Variants in STX7 observed in about 807,000 individuals in gnomAD.
STX7 encodes syntaxin-7.
STX7 carries 34 observed loss-of-function variants against 39.6 expected under a neutral mutation model. The observed-to-expected ratio is 0.86, with a 90% CI of 0.65 to 1.14. The LOEUF (loss-of-function observed/expected upper bound fraction) is 1.14. Ranked by LOEUF, STX7 falls within the 50% of genes most tolerant of loss-of-function variation. STX7 has a pLI of 0.00. For missense variants in STX7, 284 were observed against 310.4 expected, an observed-to-expected ratio of 0.92 and a Z score of 0.64; for synonymous variants, 119 against 99.1, an observed-to-expected ratio of 1.20 and a Z score of -1.19.
Position 132,465,830 on chromosome 6 carries a change from C to A in STX7, c.611-1755G>T, listed in dbSNP as rs571363313. ...TACCCCGAGCAAGAGCCAAATTTTCCATTTGTGCACTTTATCACATTTCCT... is the reference window on the plus strand; with the variant it reads ...TACCCCGAGCAAGAGCCAAATTTTCAATTTGTGCACTTTATCACATTTCCT... On this transcript the variant is annotated intron_variant, in intron 8 of 9. Coordinates refer to ENST00000367941, the MANE Select transcript of STX7 (RefSeq NM_003569.3). 9.2e-5 allele frequency among the ~76,000 whole-genome samples: 14 copies of A among 152,280 alleles called. 1 individual carries two copies. The highest frequency in any genetic ancestry group is 3.1e-4 in the African/African-American group (13 of 41,552).
In STX7 at chr6:132,470,582, G is replaced by A; in HGVS notation, c.432C>T (p.Ser144=). The A allele has an allele frequency of 1.2e-6, 2 of 1,604,668 alleles. No homozygotes were observed. The highest frequency in any genetic ancestry group is 1.7e-6 in the Non-Finnish European group (2 of 1,174,140). The change falls in exon 6 of 10, where the codon TCC becomes TCT. Residue 144 remains serine, a synonymous_variant. Transcript: ENST00000367941. ...EDSSKERNLV[S]WESQTQPQVQ... is the part of the protein sequence containing the mutation. ...TGTTTTGTATTTCTTACCTTTCCCA[G>A]GATACAAGATTCCTTTCTTTTGAGC...
intron 2 of STX7, among the ~76,000 whole-genome samples, chr6:132,483,395 A>G (rs1775056651): frequency 6.6e-6 from 1 of 152,158 alleles, no homozygotes; most frequent in Non-Finnish European, 1.5e-5. Flanking sequence ...GAATCCATGG[A>G]AAAGGAGGGC....
intron 2 of STX7, among the ~76,000 whole-genome samples, chr6:132,496,810 T>C (rs758632968): frequency 1.3e-5 from 2 of 152,208 alleles, no homozygotes; most frequent in Admixed American, 1.3e-4. Context: ...TACAGCTTGC[T>C]TGATTAGAAA....
Position 132,458,035 on chromosome 6 carries a change from A to T in STX7, c.*2723T>A, listed in dbSNP as rs1000642966. Reference sequence around the variant, plus strand: ...TTGTACTTTCCTTGCTAAACCACAGATGTATTTCATGGAAAGAGGGGCCTT... The same window carrying T: ...TTGTACTTTCCTTGCTAAACCACAGTTGTATTTCATGGAAAGAGGGGCCTT... On this transcript the variant is annotated 3_prime_UTR_variant, in exon 10 of 10. Transcript: ENST00000367941. 7.2e-5 allele frequency: 11 copies of T among 152,238 alleles called. No homozygotes were observed. The highest frequency in any genetic ancestry group is 2.4e-4 in the African/African-American group (10 of 41,470). The allele number at this position is 152,238 out of a possible 1,614,324, so 9.4% of individuals were successfully genotyped here.
rs1774857612 is a variant in STX7, at chr6:132,475,712, CAG to C, written c.86-52_86-51del. On this transcript the variant is annotated intron_variant, in intron 2 of 9. Coordinates refer to ENST00000367941, the MANE Select transcript of STX7 (RefSeq NM_003569.3). ...TTAATTGTCACAAAAGTTAAGGTAA[CAG>C]AAAGAGTTAAAAATTAATATGTACA... 4.5e-6 allele frequency: 6 copies of C among 1,339,460 alleles called. No individual in the cohort carries two copies. In the South Asian group the frequency reaches 5.4e-5, roughly 12 times the overall value. 83.0% of individuals were successfully genotyped at this position (1,339,460 alleles called of 1,614,324 possible).
chr6:132,465,445 CTT>C (rs1291473479), intron 8 of STX7, among the ~76,000 whole-genome samples: 2 of 152,324 alleles, frequency 1.3e-5, no homozygotes, highest in Admixed American at 6.5e-5. Context: ...TTAGCCTCAG[CTT>C]ACTCTCATCC....
intron 2 of STX7, among the ~76,000 whole-genome samples, chr6:132,476,818 G>A (rs1286434878): frequency 6.6e-6 from 1 of 152,048 alleles, no homozygotes; most frequent in Non-Finnish European, 1.5e-5. Flanking sequence ...TACACAAAAG[G>A]GGAGGACCTA....
Position 132,492,828 on chromosome 6 carries a change from A to G in STX7, c.85+10618T>C, listed in dbSNP as rs185963695. ...AAATAGTTTTAAAATACTAGCTTAC[A>G]TATCTTCCAGAAAGAGATTATTGAA... On this transcript the variant is annotated intron_variant, in intron 2 of 9. Coordinates refer to ENST00000367941, the MANE Select transcript of STX7 (RefSeq NM_003569.3). Among the ~76,000 whole-genome samples the G allele has an allele frequency of 3.3e-3, 496 of 152,134 alleles. 3 individuals carry two copies. The highest frequency in any genetic ancestry group is 0.011 in the African/African-American group (446 of 41,358).
chr6:132,475,662 G>A lies in STX7; in HGVS notation c.86C>T (p.Ser29Phe). 1 of 1,596,010 alleles carries A rather than the reference G, an allele frequency of 6.3e-7. No individual in the cohort carries two copies. Among genetic ancestry groups the A allele is most frequent in the Non-Finnish European group, 8.5e-7 (1 of 1,170,276 alleles). Residue 29 changes from serine to phenylalanine, a missense_variant and splice_region_variant, in exon 3 of 10, where the codon TCT becomes TTT. By Grantham distance (155) the Ser-to-Phe change is radical. Coordinates refer to ENST00000367941, the MANE Select transcript of STX7 (RefSeq NM_003569.3). ...ATTCAGAGTTCTTTGTATTTCCACA[G>A]CTATTATAATAGAAAATTCATGTAT... ...SSNIQKITQC[S>F]VEIQRTLNQL...
intron 2 of STX7, among the ~76,000 whole-genome samples, chr6:132,478,488 T>C (rs374737202): frequency 3.9e-5 from 6 of 152,226 alleles, no homozygotes; most frequent in African/African-American, 7.2e-5. Context: ...GAAGAAATCA[T>C]TGGAAGCCCC....
At position 132,462,617 on chromosome 6, in the gene STX7, G is replaced by A. The variant is rs886692031; in HGVS notation, c.693+1376C>T. Among the ~76,000 whole-genome samples, 323 of 149,000 alleles carry A rather than the reference G, an allele frequency of 2.2e-3. 1 individual carries two copies. Among genetic ancestry groups the A allele is most frequent in the African/African-American group, 6.9e-3 (277 of 40,384 alleles). On this transcript the variant is annotated intron_variant, in intron 9 of 9. Transcript: ENST00000367941. ...TGTGTGTGTGTGTGTGTGTGTGTGTGTGTGTTTTCAATTATTCGTGAGGGA... is the reference window on the plus strand; with the variant it reads ...TGTGTGTGTGTGTGTGTGTGTGTGTATGTGTTTTCAATTATTCGTGAGGGA...
intron 2 of STX7, among the ~76,000 whole-genome samples, chr6:132,477,586 A>T (rs1008631838): frequency 1.3e-5 from 2 of 152,162 alleles, no homozygotes; most frequent in Non-Finnish European, 2.9e-5. Flanking sequence ...AAGAAATATA[A>T]ATGTTTTTAT....
chr6:132,509,634 T>C (rs1015500933), intron 1 of STX7, among the ~76,000 whole-genome samples: 7 of 152,146 alleles, frequency 4.6e-5, no homozygotes, highest in African/African-American at 1.7e-4. Context: ...CATGAGTTGA[T>C]CAAGGTAACA....
Position 132,445,880 on chromosome 6 carries a change from A to G in STX7, c.*14878T>C, listed in dbSNP as rs1257681159. On this transcript the variant is annotated 3_prime_UTR_variant, in exon 10 of 10. Transcript: ENST00000367941. ...AAAATGAAGCCATTTTCATTTCAGT[A>G]TTCAGAGTTTTATAACATTTTGAAA... is the stretch of plus-strand genomic sequence containing the variant. 4 of 152,208 alleles carry G rather than the reference A, an allele frequency of 2.6e-5. No individual in the cohort carries two copies. Among genetic ancestry groups the G allele is most frequent in the Non-Finnish European group, 5.9e-5 (4 of 68,022 alleles). The allele number at this position is 152,208 out of a possible 1,614,324, so 9.4% of individuals were successfully genotyped here.
chr6:132,461,238 G>C (rs1774388288), intron 9 of STX7, among the ~76,000 whole-genome samples: 1 of 152,080 alleles, frequency 6.6e-6, no homozygotes, highest in African/African-American at 2.4e-5. Context: ...TTTTATTAAA[G>C]TTTTTCTTAA....
intron 1 of STX7, among the ~76,000 whole-genome samples, chr6:132,506,486 A>G (rs2114482168): frequency 6.6e-6 from 1 of 152,354 alleles, no homozygotes; most frequent in East Asian, 1.9e-4. Flanking sequence ...ATGGCCAAGA[A>G]GCACATGAAA....
At chr6:132,501,561 C>A (rs989909150) in intron 2 of STX7, among the ~76,000 whole-genome samples, 1 of 152,194 alleles carries the variant, frequency 6.6e-6, no homozygotes, top group African/African-American at 2.4e-5. Context: ...TAAGTCAACT[C>A]TTTTCTCCTT....
chr6:132,501,897 A>G (rs899825594), intron 2 of STX7, among the ~76,000 whole-genome samples: 1 of 151,798 alleles, frequency 6.6e-6, no homozygotes, highest in African/African-American at 2.4e-5. Context: ...AAAGAAAAGG[A>G]AAGAGGCTCT....
chr6:132,460,808 C>A lies in STX7; in HGVS notation c.736G>T (p.Val246Phe). 1.2e-6 allele frequency: 2 copies of A among 1,613,510 alleles called. No homozygotes were observed. Among genetic ancestry groups the A allele is most frequent in the Non-Finnish European group, 1.7e-6 (2 of 1,179,766 alleles). ...KTLCIIILIL[V>F]IGVAIISLII... is the part of the protein sequence containing the mutation. ...AGACTGATAATCGCAACTCCAATGA[C>A]AAGGATAAGAATGATGATGCACAGG... is the stretch of plus-strand genomic sequence containing the variant. The change falls in exon 10 of 10, where the codon GTC becomes TTC. Residue 246 changes from valine to phenylalanine, a missense_variant. Physicochemically the swap from Val to Phe is conservative, Grantham distance 50. Coordinates refer to ENST00000367941, the MANE Select transcript of STX7 (RefSeq NM_003569.3).
Sources: allele counts gnomAD v4.1 joint callset (sites outside exome capture counted in the v4.1 genomes callset), GRCh38; gene constraint gnomAD v4.1.1; transcripts MANE v1.5; gene names NCBI Gene and HGNC (gene_info 2026-07-23, HGNC 2026-07-21).